CRYBG1: variants seen among roughly 807,000 people sequenced by gnomAD.
CRYBG1 encodes the protein beta/gamma crystallin domain-containing protein 1.
CRYBG1 carries 139 observed loss-of-function variants against 189.2 expected under a neutral mutation model. The observed-to-expected ratio is 0.73, with a 90% CI of 0.64 to 0.85. The LOEUF is 0.85. Ranked by LOEUF, CRYBG1 falls within the 40% of genes least tolerant of loss-of-function variation. The probability of loss-of-function intolerance (pLI) is 0.00; values close to 1 mark genes in which losing one functional copy is unlikely to be tolerated. For missense variants in CRYBG1, 2,611 were observed against 2,675.8 expected (o/e 0.98, Z 0.53); for synonymous variants, 1,023 against 1,017.1 (o/e 1.01, Z -0.11).
intron 21 of CRYBG1, among the ~76,000 whole-genome samples, chr6:106,565,258 T>C (rs1186827124): frequency 6.6e-6 from 1 of 151,820 alleles, no homozygotes; most frequent in African/African-American, 2.4e-5. Context: ...GAGGCGGACG[T>C]TGCACTGAGC....
chr6:106,391,173 C>T (rs1474675865), intron 1 of CRYBG1, among the ~76,000 whole-genome samples: 1 of 152,062 alleles, frequency 6.6e-6, no homozygotes, highest in Non-Finnish European at 1.5e-5. Context: ...GCCTCTGCCT[C>T]CCAGGTTCAG....
chr6:106,561,258 T>C, intron 19 of CRYBG1, 84 bp from the exon 20 acceptor site: 1 of 1,431,378 alleles, frequency 7.0e-7, no homozygotes, highest in East Asian at 2.3e-5. Context: ...ATATCTCACT[T>C]TGGATTCTTC....
At chr6:106,565,974 G>A (rs1774872760) in intron 21 of CRYBG1, among the ~76,000 whole-genome samples, 1 of 152,190 alleles carries the variant, frequency 6.6e-6, no homozygotes, top group Admixed American at 6.5e-5. Flanking sequence ...GTTAGAGAAA[G>A]TAGGGTATGT....
At chr6:106,446,504 A>C (rs532006774) in intron 1 of CRYBG1, among the ~76,000 whole-genome samples, 1 of 152,354 alleles carries the variant, frequency 6.6e-6, no homozygotes, top group African/African-American at 2.4e-5. Flanking sequence ...TATAACTTAT[A>C]AACTATAGTT....
Position 106,570,123 on chromosome 6 carries a change from T to TA in CRYBG1, c.*1557_*1558insA, listed in dbSNP as rs1775015930. ...CATTTCCTTGAATATATTCTTCCTC[T>TA]TTTTGTCCTCATCACTCAATACTGG... is the stretch of plus-strand genomic sequence containing the variant. On this transcript the variant is annotated 3_prime_UTR_variant, in exon 22 of 22. Transcript: ENST00000633556. The TA allele has an allele frequency of 6.6e-6, 1 of 152,222 alleles. No individual in the cohort carries two copies. The highest frequency in any genetic ancestry group is 2.4e-5 in the African/African-American group (1 of 41,464). 9.4% of individuals were successfully genotyped at this position (152,222 alleles called of 1,614,324 possible). A position where few individuals can be genotyped will look rare whatever the true frequency, so the allele number is the denominator to read the frequency against.
intron 1 of CRYBG1, among the ~76,000 whole-genome samples, chr6:106,424,084 AG>A (rs1771181607): frequency 6.6e-6 from 1 of 152,188 alleles, no homozygotes; most frequent in African/African-American, 2.4e-5. Context: ...AACAAAGCAA[AG>A]GATTGTTTGC....
At chr6:106,441,128 A>C (rs1006202901) in intron 1 of CRYBG1, among the ~76,000 whole-genome samples, 9 of 152,194 alleles carry the variant, frequency 5.9e-5, no homozygotes, top group Admixed American at 6.5e-5. Context: ...CAAAAGCATT[A>C]ATAGAAAACC....
intron 8 of CRYBG1, among the ~76,000 whole-genome samples, chr6:106,538,059 G>A (rs1389310079): frequency 1.3e-5 from 2 of 152,182 alleles, no homozygotes; most frequent in African/African-American, 2.4e-5. Context: ...TCTTGGCATG[G>A]TGTTCTGGGG....
chr6:106,471,355 T>C, intron 2 of CRYBG1, among the ~76,000 whole-genome samples: 1 of 152,196 alleles, frequency 6.6e-6, no homozygotes, highest in East Asian at 1.9e-4. Flanking sequence ...TGAAGATCTA[T>C]GAAAATAGAG....
At chr6:106,404,614 C>T (rs1002804471) in intron 1 of CRYBG1, among the ~76,000 whole-genome samples, 3 of 150,884 alleles carry the variant, frequency 2.0e-5, no homozygotes, top group African/African-American at 7.3e-5. Context: ...AGGAACAGCT[C>T]CGGTCTGCAG....
rs973437622 is a variant in CRYBG1, at chr6:106,517,373, CACACACATAT to C, written c.1923-1746_1923-1737del. 3.4e-4 allele frequency among the ~76,000 whole-genome samples: 33 copies of C among 97,412 alleles called. No individual in the cohort carries two copies. The South Asian group carries it at 0.013, about 39-fold the overall frequency. 63.9% of individuals were successfully genotyped at this position (97,412 alleles called of 152,430 possible). A position where few individuals can be genotyped will look rare whatever the true frequency, so the allele number is the denominator to read the frequency against. ...ACATATATATATACACATATATACA[CACACACATAT>C]ACACACATATATATATATACACACA... On this transcript the variant is annotated intron_variant, in intron 3 of 21. Coordinates refer to ENST00000633556, the MANE Select transcript of CRYBG1 (RefSeq NM_001371242.2).
At chr6:106,489,125 G>A (rs1204497994) in intron 2 of CRYBG1, among the ~76,000 whole-genome samples, 3 of 152,158 alleles carry the variant, frequency 2.0e-5, no homozygotes, top group South Asian at 4.1e-4. Context: ...CTCCAGCTCT[G>A]ACCTGATCCC....
At chr6:106,559,577 A>G (rs1210304414) in intron 18 of CRYBG1, among the ~76,000 whole-genome samples, 4 of 152,086 alleles carry the variant, frequency 2.6e-5, no homozygotes, top group African/African-American at 9.7e-5. Context: ...TGAGGTCAGG[A>G]GTTCAGGACC....
chr6:106,545,540 T>TCC lies in CRYBG1; in HGVS notation c.5312+608_5312+609insCC, dbSNP rs1325040341. Among the ~76,000 whole-genome samples the TCC allele has an allele frequency of 4.6e-5, 7 of 152,372 alleles. No homozygotes were observed. The East Asian group carries it at 1.3e-3, about 29-fold the overall frequency. On this transcript the variant is annotated intron_variant, in intron 13 of 21. Coordinates refer to ENST00000633556, the MANE Select transcript of CRYBG1 (RefSeq NM_001371242.2). The stretch of plus-strand genomic sequence containing the variant: ...AAAAAGTCCTGGAGAAGATTTTGCT[T>TCC]CAGGCATGCCTAGATGCAGCGGATC...
intron 1 of CRYBG1, among the ~76,000 whole-genome samples, chr6:106,372,759 A>C (rs1770065586): frequency 6.6e-6 from 1 of 152,222 alleles, no homozygotes; most frequent in African/African-American, 2.4e-5. Flanking sequence ...AAGACAAGGG[A>C]CATGAACAAT....
intron 1 of CRYBG1, among the ~76,000 whole-genome samples, chr6:106,403,224 C>G (rs1365897994): frequency 6.6e-6 from 1 of 152,202 alleles, no homozygotes; most frequent in East Asian, 1.9e-4. Flanking sequence ...GTAGTCCCAG[C>G]TACTCAGGAG....
chr6:106,493,167 A>C (rs1373923596), intron 2 of CRYBG1, among the ~76,000 whole-genome samples: 1 of 152,222 alleles, frequency 6.6e-6, no homozygotes, highest in African/African-American at 2.4e-5. Flanking sequence ...TCTGAAAAAC[A>C]GAAACAATCT....
intron 21 of CRYBG1, among the ~76,000 whole-genome samples, chr6:106,564,333 G>A (rs146778639): frequency 8.8e-4 from 134 of 152,310 alleles, no homozygotes; most frequent in African/African-American, 2.9e-3. Flanking sequence ...CTGAAAGGCC[G>A]TGATTGCACT....
chr6:106,523,604 G>T (rs1582816973), intron 4 of CRYBG1, among the ~76,000 whole-genome samples: 1 of 151,894 alleles, frequency 6.6e-6, no homozygotes, highest in East Asian at 1.9e-4. Context: ...AATCATGAAG[G>T]TTTTACCTGA....
Sources: gnomAD v4.1 joint callset for allele counts (sites outside exome capture counted in the v4.1 genomes callset) on GRCh38, gnomAD v4.1.1 for gene constraint, MANE v1.5 for transcripts, NCBI Gene and HGNC (gene_info 2026-07-23, HGNC 2026-07-21) for gene names.